FMN2: variants seen among roughly 807,000 people sequenced by gnomAD.
FMN2 encodes the protein formin-2.
FMN2 carries 51 observed loss-of-function variants against 142.3 expected under a neutral mutation model. The ratio of observed to expected loss-of-function variants is 0.36; its 90% CI spans 0.29 to 0.45. The LOEUF is 0.45. Ranked by LOEUF, FMN2 falls within the 20% of genes least tolerant of loss-of-function variation. The pLI, the probability that FMN2 is intolerant of heterozygous loss-of-function variation, is 1.00. For synonymous variants in FMN2, 882 were observed against 869.8 expected (o/e 1.01, Z -0.25); for missense variants, 1,936 against 2,122.8 (o/e 0.91, Z 1.73).
intron 1 of FMN2, among the ~76,000 whole-genome samples, chr1:240,102,569 A>G (rs957396904): frequency 1.3e-5 from 2 of 152,052 alleles, no homozygotes; most frequent in Non-Finnish European, 1.5e-5. Flanking sequence ...AGCTAACCAA[A>G]ATGTTCTTCT....
intron 6 of FMN2, among the ~76,000 whole-genome samples, chr1:240,233,049 G>A (rs111282374): frequency 1.3e-5 from 2 of 152,098 alleles, no homozygotes; most frequent in African/African-American, 4.8e-5. Flanking sequence ...TTCATTCACT[G>A]TAACAGCCAC....
intron 15 of FMN2, among the ~76,000 whole-genome samples, chr1:240,432,871 TACTGAG>T (rs1675225140): frequency 6.6e-6 from 1 of 152,146 alleles, no homozygotes; most frequent in South Asian, 2.1e-4. Flanking sequence ...GTTTGAAATT[TACTGAG>T]ACTTGTTTTA....
At chr1:240,372,591 G>A (rs1308310950) in intron 14 of FMN2, among the ~76,000 whole-genome samples, 3 of 148,798 alleles carry the variant, frequency 2.0e-5, no homozygotes, top group South Asian at 2.1e-4. Context: ...GAGATTTATT[G>A]TATGTTAAAG....
intron 16 of FMN2, among the ~76,000 whole-genome samples, chr1:240,468,871 T>C (rs1676720588): frequency 6.6e-6 from 1 of 152,202 alleles, no homozygotes; most frequent in South Asian, 2.1e-4. Context: ...TCGTACCGAC[T>C]TCTCCCTCAT....
intron 4 of FMN2, among the ~76,000 whole-genome samples, chr1:240,192,829 AG>A: frequency 8.7e-6 from 1 of 115,108 alleles, no homozygotes; most frequent in Non-Finnish European, 1.8e-5. Context: ...CTATGTTAAG[AG>A]AAAGAAAGGA....
chr1:240,284,077 A>G (rs1669503110), intron 7 of FMN2, among the ~76,000 whole-genome samples: 1 of 152,150 alleles, frequency 6.6e-6, no homozygotes, highest in Non-Finnish European at 1.5e-5. Flanking sequence ...TGTGAAGACC[A>G]CTTAAAAATT....
At chr1:240,103,019 C>A (rs1661467130) in intron 1 of FMN2, among the ~76,000 whole-genome samples, 1 of 151,986 alleles carries the variant, frequency 6.6e-6, no homozygotes, top group African/African-American at 2.4e-5. Flanking sequence ...CACATGCCAC[C>A]ACACCCGGCC....
chr1:240,174,893 T>C (rs139861092), intron 2 of FMN2, among the ~76,000 whole-genome samples: 1 of 152,246 alleles, frequency 6.6e-6, no homozygotes, highest in Non-Finnish European at 1.5e-5. Context: ...AGTGTTGTTA[T>C]GTATATTCAC....
At chr1:240,320,986 T>C (rs950230272) in intron 8 of FMN2, among the ~76,000 whole-genome samples, 5 of 152,188 alleles carry the variant, frequency 3.3e-5, no homozygotes, top group Admixed American at 6.5e-5. Context: ...TTTCCTTTGA[T>C]AGAGCAATAA....
intron 16 of FMN2, chr1:240,457,651 A>G (rs1676299116): frequency 6.6e-6 from 1 of 152,240 alleles, no homozygotes; most frequent in Admixed American, 6.5e-5. Flanking sequence ...ATGTCTAAGC[A>G]GGGACTCGGA....
intron 2 of FMN2, among the ~76,000 whole-genome samples, chr1:240,166,812 G>A (rs1449078617): frequency 6.6e-6 from 1 of 152,142 alleles, no homozygotes; most frequent in Non-Finnish European, 1.5e-5. Context: ...TTCTATGAGT[G>A]GAATTGGTGG....
At chr1:240,456,029 T>C (rs1311322754) in intron 16 of FMN2, among the ~76,000 whole-genome samples, 4 of 151,824 alleles carry the variant, frequency 2.6e-5, no homozygotes, top group African/African-American at 9.7e-5. Context: ...TCAGAAAAGG[T>C]AAGAGCGACA....
At chr1:240,298,636 A>C (rs1413019705) in intron 8 of FMN2, among the ~76,000 whole-genome samples, 1 of 152,120 alleles carries the variant, frequency 6.6e-6, no homozygotes, top group Non-Finnish European at 1.5e-5. Context: ...TAGGAGTACA[A>C]ACCCTTTTGT....
chr1:240,244,107 T>A lies in FMN2; in HGVS notation c.4066-13838T>A, dbSNP rs1668002858. Among the ~76,000 whole-genome samples, 3 of 152,222 alleles carry A rather than the reference T, an allele frequency of 2.0e-5. No homozygotes were observed. The South Asian group carries it at 6.2e-4, about 32-fold the overall frequency. The stretch of plus-strand genomic sequence containing the variant: ...CGTTGAGTAATCTTATCTTTTTCTC[T>A]TCAGAGAAAGATTTGCCTTATTGGA... On this transcript the variant is annotated intron_variant, in intron 6 of 17. Coordinates refer to ENST00000319653, the MANE Select transcript of FMN2 (RefSeq NM_020066.5).
chr1:240,261,065 T>C (rs113418642), intron 7 of FMN2, among the ~76,000 whole-genome samples: 4,099 of 152,308 alleles, frequency 0.027, 175 homozygotes, highest in African/African-American at 0.093. Flanking sequence ...TGGCTGTAAG[T>C]ATTTCACTTT....
intron 15 of FMN2, among the ~76,000 whole-genome samples, chr1:240,433,014 A>G (rs1454540995): frequency 1.3e-5 from 2 of 152,156 alleles, no homozygotes; most frequent in African/African-American, 4.8e-5. Flanking sequence ...CTGTGTCGTT[A>G]GTGATATTTT....
At chr1:240,125,622 G>A (rs1443662091) in intron 2 of FMN2, among the ~76,000 whole-genome samples, 2 of 152,182 alleles carry the variant, frequency 1.3e-5, no homozygotes, top group Non-Finnish European at 2.9e-5. Context: ...CCAAGTTAAC[G>A]GCATTTTCCT....
chr1:240,429,019 CTTATT>C (rs1675050285), intron 15 of FMN2, among the ~76,000 whole-genome samples: 1 of 151,828 alleles, frequency 6.6e-6, no homozygotes, highest in African/African-American at 2.4e-5. Context: ...AAAACTTTTC[CTTATT>C]TTATTTCTGT....
At chr1:240,331,030 CA>C (rs1671357815) in intron 11 of FMN2, among the ~76,000 whole-genome samples, 1 of 151,858 alleles carries the variant, frequency 6.6e-6, no homozygotes, top group African/African-American at 2.4e-5. Flanking sequence ...TAATATAAAA[CA>C]ATAATTTCTT....
Sources: gnomAD v4.1 joint callset for allele counts (sites outside exome capture counted in the v4.1 genomes callset) on GRCh38, gnomAD v4.1.1 for gene constraint, MANE v1.5 for transcripts, NCBI Gene and HGNC (gene_info 2026-07-23, HGNC 2026-07-21) for gene names.